Variants in GRID1 observed in about 807,000 individuals in gnomAD.
GRID1 encodes the protein glutamate receptor ionotropic, delta-1.
GRID1 carries 28 observed loss-of-function variants against 98.0 expected under a neutral mutation model. That is an observed-to-expected ratio of 0.29 (90% CI 0.21 to 0.39). GRID1 has a LOEUF of 0.39. Among genes scored for constraint, GRID1 ranks in the 10% least tolerant of loss-of-function variants. The pLI, the probability that GRID1 is intolerant of heterozygous loss-of-function variation, is 1.00. For missense variants in GRID1, 1,111 were observed against 1,340.5 expected (o/e 0.83, Z 2.67); for synonymous variants, 553 against 538.5 (o/e 1.03, Z -0.37).
chr10:86,090,595 C>T (rs1472772002), intron 4 of GRID1, among the ~76,000 whole-genome samples: 1 of 151,404 alleles, frequency 6.6e-6, no homozygotes, highest in Non-Finnish European at 1.5e-5. Flanking sequence ...GAAGATGGGG[C>T]TGAAAAAGTA....
intron 2 of GRID1, among the ~76,000 whole-genome samples, chr10:86,251,491 T>C (rs1257003708): frequency 6.6e-6 from 1 of 152,138 alleles, no homozygotes; most frequent in Non-Finnish European, 1.5e-5. Flanking sequence ...CGGGAGCTGG[T>C]CCCTCAAGCC....
chr10:85,719,058 C>T (rs1472543261), intron 12 of GRID1, among the ~76,000 whole-genome samples: 1 of 152,204 alleles, frequency 6.6e-6, no homozygotes, highest in African/African-American at 2.4e-5. Context: ...CAAAGTTTCA[C>T]AAATCTCTAG....
intron 12 of GRID1, among the ~76,000 whole-genome samples, chr10:85,694,641 A>G (rs184389440): frequency 4.7e-4 from 69 of 146,064 alleles, no homozygotes; most frequent in Non-Finnish European, 5.1e-4. Context: ...ATAAAATCAT[A>G]TATTTTGCGG....
At chr10:85,650,443 C>T (rs117583698) in intron 12 of GRID1, among the ~76,000 whole-genome samples, 1,593 of 152,258 alleles carry the variant, frequency 0.01, 14 homozygotes, top group Middle Eastern at 0.024. Context: ...CTCACATGCA[C>T]GATGCAACTT....
chr10:86,235,847 T>C (rs1010696074), intron 2 of GRID1, among the ~76,000 whole-genome samples: 1 of 152,276 alleles, frequency 6.6e-6, no homozygotes, highest in Admixed American at 6.5e-5. Flanking sequence ...AATGCTGCTA[T>C]GAACATTCAT....
intron 4 of GRID1, among the ~76,000 whole-genome samples, chr10:86,076,813 T>G (rs970108139): frequency 6.7e-6 from 1 of 149,006 alleles, no homozygotes; most frequent in Non-Finnish European, 1.5e-5. Flanking sequence ...GCTGAGGGTT[T>G]GCTCAACCTT....
intron 12 of GRID1, among the ~76,000 whole-genome samples, chr10:85,699,393 A>G (rs1055783449): frequency 2.6e-5 from 4 of 152,120 alleles, no homozygotes; most frequent in African/African-American, 7.2e-5. Context: ...TATGTTGGAT[A>G]ACAGTCATTT....
At chr10:86,089,336 C>T (rs1159480821) in intron 4 of GRID1, among the ~76,000 whole-genome samples, 1 of 152,274 alleles carries the variant, frequency 6.6e-6, no homozygotes, top group East Asian at 1.9e-4. Flanking sequence ...ACAGAACCTC[C>T]ACCTCAGGTT....
intron 8 of GRID1, among the ~76,000 whole-genome samples, chr10:85,787,062 G>A (rs1382074277): frequency 1.3e-5 from 2 of 152,188 alleles, no homozygotes; most frequent in African/African-American, 2.4e-5. Flanking sequence ...TGCAGCCCTG[G>A]TTAGAGCACA....
At chr10:86,092,395 A>G (rs1050686580) in intron 4 of GRID1, among the ~76,000 whole-genome samples, 4 of 152,228 alleles carry the variant, frequency 2.6e-5, no homozygotes, top group African/African-American at 9.6e-5. Context: ...GCTTGAAGAC[A>G]AGGTCTTTGA....
rs574637824 is a variant in GRID1, at chr10:86,105,845, G to A, written c.726+32974C>T. ...CTGTGCATGTGTCTAACTGGCCTGGGCACCACAGGTCACCCAGGAATGCTG... is the reference window on the plus strand; with the variant it reads ...CTGTGCATGTGTCTAACTGGCCTGGACACCACAGGTCACCCAGGAATGCTG... On this transcript the variant is annotated intron_variant, in intron 4 of 15. Transcript: ENST00000327946. Among the ~76,000 whole-genome samples, 7 of 152,324 alleles carry A rather than the reference G, an allele frequency of 4.6e-5. No homozygotes were observed. In the East Asian group the frequency reaches 1.2e-3, roughly 25 times the overall value.
intron 4 of GRID1, among the ~76,000 whole-genome samples, chr10:86,060,506 G>C (rs1194002046): frequency 1.3e-5 from 2 of 152,188 alleles, no homozygotes; most frequent in African/African-American, 4.8e-5. Flanking sequence ...TCACATCCAG[G>C]GAGGCCTTGG....
At chr10:85,901,811 C>T (rs1841393126) in intron 5 of GRID1, among the ~76,000 whole-genome samples, 1 of 152,180 alleles carries the variant, frequency 6.6e-6, no homozygotes. Flanking sequence ...GCTGCAAACA[C>T]CGTCTCCACA....
intron 8 of GRID1, among the ~76,000 whole-genome samples, chr10:85,793,476 T>G (rs929277478): frequency 6.6e-6 from 1 of 152,184 alleles, no homozygotes. Context: ...TACTCATAAC[T>G]TTATCTGCAT....
chr10:85,708,987 A>C lies in GRID1; in HGVS notation c.1997+14016T>G, dbSNP rs115593281. ...CATATATCAATGAAAGCAACTTGAG[A>C]GATTTGAATAGAAAATTTCCTCAAG... On this transcript the variant is annotated intron_variant, in intron 12 of 15. Coordinates refer to ENST00000327946, the MANE Select transcript of GRID1 (RefSeq NM_017551.3). The C allele has an allele frequency of 2.6e-3, 628 of 241,966 alleles. 4 individuals carry two copies. Among genetic ancestry groups the C allele is most frequent in the African/African-American group, 0.013 (574 of 42,952 alleles). 15.0% of individuals were successfully genotyped at this position (241,966 alleles called of 1,614,324 possible). A position where few individuals can be genotyped will look rare whatever the true frequency, so the allele number is the denominator to read the frequency against.
intron 2 of GRID1, among the ~76,000 whole-genome samples, chr10:86,325,114 A>G (rs1848029046): frequency 6.6e-6 from 1 of 152,240 alleles, no homozygotes; most frequent in African/African-American, 2.4e-5. Context: ...CCACAATCTT[A>G]AAGATGATTT....
intron 2 of GRID1, among the ~76,000 whole-genome samples, chr10:86,272,516 ATAT>A (rs1847200968): frequency 6.6e-6 from 1 of 152,222 alleles, no homozygotes; most frequent in South Asian, 2.1e-4. Flanking sequence ...AGCAGAGCAG[ATAT>A]TATTCACAAA....
At chr10:85,936,475 C>A (rs1029826171) in intron 4 of GRID1, among the ~76,000 whole-genome samples, 1 of 151,114 alleles carries the variant, frequency 6.6e-6, no homozygotes, top group Admixed American at 6.6e-5. Flanking sequence ...TGTCCCTTAT[C>A]TAGAAACTCA....
Position 86,366,436 on chromosome 10 carries a change from C to G in GRID1, c.-44G>C. 1.4e-6 allele frequency: 2 copies of G among 1,388,268 alleles called. No homozygotes were observed. Among genetic ancestry groups the G allele is most frequent in the Admixed American group, 4.8e-5 (2 of 41,796 alleles). The allele number at this position is 1,388,268 out of a possible 1,614,324, so 86.0% of individuals were successfully genotyped here. ...TCATCCACCCGGGCCCGGGGCGAGGCCGAGGGCAGCGCGAAGCGGGGAGGC... is the reference window on the plus strand; with the variant it reads ...TCATCCACCCGGGCCCGGGGCGAGGGCGAGGGCAGCGCGAAGCGGGGAGGC... On this transcript the variant is annotated 5_prime_UTR_variant, in exon 1 of 16. Transcript: ENST00000327946. The surrounding 1 kb of genome is among the most constrained non-coding windows in gnomAD (Gnocchi z 4.1).
Sources: allele counts gnomAD v4.1 joint callset (sites outside exome capture counted in the v4.1 genomes callset), GRCh38; gene constraint gnomAD v4.1.1; non-coding constraint Gnocchi (gnomAD v3.1); transcripts MANE v1.5; gene names NCBI Gene and HGNC (gene_info 2026-07-23, HGNC 2026-07-21).